Variants in MAPK10 observed in about 807,000 individuals in gnomAD.
MAPK10 encodes the protein mitogen-activated protein kinase 10.
A neutral mutation model predicts 59.3 loss-of-function variants in MAPK10; 25 were observed. The observed-to-expected ratio is 0.42, with a 90% CI of 0.31 to 0.59. MAPK10 has a LOEUF of 0.59. MAPK10 is among the 20% of genes least tolerant of loss of function. The pLI, the probability that MAPK10 is intolerant of heterozygous loss-of-function variation, is 0.15. For missense variants in MAPK10, 351 were observed against 568.9 expected (o/e 0.62, Z 3.90); for synonymous variants, 190 against 200.5 (o/e 0.95, Z 0.44).
At chr4:86,064,533 A>T in intron 10 of MAPK10, 143 bp from the exon 11 acceptor site, 1 of 753,030 alleles carries the variant, frequency 1.3e-6, no homozygotes, top group Admixed American at 2.6e-5. Context: ...GATGGAAAAG[A>T]AAATGCATTT....
chr4:86,235,868 G>T (rs1017402218), intron 2 of MAPK10, among the ~76,000 whole-genome samples: 18 of 152,218 alleles, frequency 1.2e-4, no homozygotes, highest in African/African-American at 3.9e-4. Flanking sequence ...ACAAATTACC[G>T]CAAACTTAGT....
intron 1 of MAPK10, among the ~76,000 whole-genome samples, chr4:86,466,467 G>T (rs1476516814): frequency 6.6e-6 from 1 of 152,152 alleles, no homozygotes; most frequent in African/African-American, 2.4e-5. Context: ...ATGGCCCGTT[G>T]TAGGCCACAT....
At chr4:86,294,833 C>T (rs2095315797) in intron 2 of MAPK10, among the ~76,000 whole-genome samples, 2 of 152,196 alleles carry the variant, frequency 1.3e-5, no homozygotes, top group African/African-American at 4.8e-5. Flanking sequence ...TGGATAGAAA[C>T]CTCTTCGAGG....
chr4:86,524,133 AC>A (rs1757305084), intron 1 of MAPK10, among the ~76,000 whole-genome samples: 1 of 152,102 alleles, frequency 6.6e-6, no homozygotes, highest in African/African-American at 2.4e-5. Flanking sequence ...TTCACCTTCC[AC>A]CATGAAGTAG....
intron 13 of MAPK10, chr4:86,025,313 A>G: frequency 5.2e-6 from 2 of 388,076 alleles, no homozygotes; most frequent in Non-Finnish European, 9.1e-6. Context: ...GACTCCCTCT[A>G]TTGCGCTATA....
intron 1 of MAPK10, among the ~76,000 whole-genome samples, chr4:86,567,520 G>A (rs1057015125): frequency 1.3e-5 from 2 of 152,220 alleles, no homozygotes; most frequent in Non-Finnish European, 1.5e-5. Flanking sequence ...ACACCTGGCT[G>A]AAAATTCTTA....
At chr4:86,429,909 C>T (rs1747807011) in intron 1 of MAPK10, 1 of 151,666 alleles carries the variant, frequency 6.6e-6, no homozygotes, top group African/African-American at 2.4e-5. Flanking sequence ...TTGAGTATAC[C>T]ATTACCATTA....
intron 1 of MAPK10, among the ~76,000 whole-genome samples, chr4:86,443,088 C>T (rs1435503249): frequency 3.9e-5 from 6 of 152,098 alleles, no homozygotes; most frequent in African/African-American, 1.4e-4. Context: ...AGCAGGAAAA[C>T]CTAAATTAGA....
chr4:86,074,721 C>A (rs1321187744), intron 9 of MAPK10, among the ~76,000 whole-genome samples: 1 of 142,280 alleles, frequency 7.0e-6, no homozygotes, highest in Admixed American at 7.0e-5. Flanking sequence ...GAATATTAGC[C>A]CCCACTCTCT....
At chr4:86,270,053 G>T (rs1323524857) in intron 2 of MAPK10, among the ~76,000 whole-genome samples, 4 of 151,890 alleles carry the variant, frequency 2.6e-5, no homozygotes, top group African/African-American at 7.3e-5. Flanking sequence ...CAAATATTAT[G>T]ATTAAATATC....
In MAPK10 at chr4:86,359,717, T is replaced by C. The variant is rs1736487516; in HGVS notation, c.-181A>G. ...CAGTGTTTGCCCCAGAAATCCTCCCTACTTGTTTTTCATTAACCACATTCC... is the reference window on the plus strand; with the variant it reads ...CAGTGTTTGCCCCAGAAATCCTCCCCACTTGTTTTTCATTAACCACATTCC... On this transcript the variant is annotated 5_prime_UTR_variant, in exon 1 of 14. It removes the in-frame stop codon of an upstream open reading frame in the 5' UTR. Coordinates refer to ENST00000641462, the MANE Select transcript of MAPK10 (RefSeq NM_138982.4). 2 of 985,814 alleles carry C rather than the reference T, an allele frequency of 2.0e-6. No individual in the cohort carries two copies. Among genetic ancestry groups the C allele is most frequent in the Non-Finnish European group, 2.4e-6 (2 of 829,936 alleles). 61.1% of individuals were successfully genotyped at this position (985,814 alleles called of 1,614,324 possible).
chr4:86,109,924 T>G (rs2057196402), intron 4 of MAPK10, among the ~76,000 whole-genome samples: 1 of 152,240 alleles, frequency 6.6e-6, no homozygotes, highest in South Asian at 2.1e-4. Context: ...ATCACCATTG[T>G]GAATGACATA....
chr4:86,268,819 C>T (rs1447703905), intron 2 of MAPK10, among the ~76,000 whole-genome samples: 1 of 152,094 alleles, frequency 6.6e-6, no homozygotes, highest in East Asian at 1.9e-4. Context: ...TTTTTAAATG[C>T]ATCATAGCAT....
At chr4:86,445,265 T>C (rs1749901374) in intron 1 of MAPK10, among the ~76,000 whole-genome samples, 1 of 152,218 alleles carries the variant, frequency 6.6e-6, no homozygotes. Flanking sequence ...TCATTTCCTT[T>C]GCAGGGACAT....
At chr4:86,400,553 A>T (rs1743568842) in intron 1 of MAPK10, among the ~76,000 whole-genome samples, 1 of 152,158 alleles carries the variant, frequency 6.6e-6, no homozygotes, top group African/African-American at 2.4e-5. Flanking sequence ...TTAGTTCCAA[A>T]GCCCAGTTTA....
chr4:86,190,713 A>AT (rs1474727005), intron 3 of MAPK10, among the ~76,000 whole-genome samples: 2 of 151,902 alleles, frequency 1.3e-5, no homozygotes, highest in Non-Finnish European at 2.9e-5. Context: ...GGATTCTGTG[A>AT]TTTTTTGAAG....
At chr4:86,529,378 C>T (rs1409446180) in intron 1 of MAPK10, among the ~76,000 whole-genome samples, 1 of 152,114 alleles carries the variant, frequency 6.6e-6, no homozygotes, top group East Asian at 1.9e-4. Flanking sequence ...GGACTTTACC[C>T]CTATTTTGAA....
intron 1 of MAPK10, among the ~76,000 whole-genome samples, chr4:86,487,999 T>G (rs2149073990): frequency 6.6e-6 from 1 of 152,220 alleles, no homozygotes; most frequent in Non-Finnish European, 1.5e-5. Flanking sequence ...CCTCAAGGTC[T>G]GATGCTACCT....
chr4:86,534,012 C>T (rs75942277), intron 1 of MAPK10, among the ~76,000 whole-genome samples: 7,127 of 152,238 alleles, frequency 0.047, 222 homozygotes, highest in African/African-American at 0.059. Context: ...CCCTCTTCTA[C>T]CTCCCCAGGG....
Sources: allele counts gnomAD v4.1 joint callset (sites outside exome capture counted in the v4.1 genomes callset), GRCh38; gene constraint gnomAD v4.1.1; transcripts MANE v1.5; gene names NCBI Gene and HGNC (gene_info 2026-07-23, HGNC 2026-07-21).